The following FAM234A variants were observed in gnomAD, a reference collection of about 807,000 sequenced individuals.
FAM234A encodes the protein protein FAM234A.
Under a neutral mutation model 49.1 loss-of-function variants are expected in FAM234A, and 42 were observed. The observed-to-expected ratio is 0.86, with a 90% CI of 0.67 to 1.11. The LOEUF (loss-of-function observed/expected upper bound fraction) is 1.11, where lower values mean the gene tolerates loss of function less well. Among genes scored for constraint, FAM234A ranks in the 50% least tolerant of loss-of-function variants. The pLI is 0.00. For missense variants in FAM234A, 815 were observed against 745.2 expected (o/e 1.09, Z -1.09); for synonymous variants, 369 against 316.2 (o/e 1.17, Z -1.77).
chr16:235,388 G>A (rs894922848), intron 1 of FAM234A, among the ~76,000 whole-genome samples: 2 of 152,224 alleles, frequency 1.3e-5, no homozygotes, highest in African/African-American at 2.4e-5. Context: ...GCGCAGCCGA[G>A]GTTGCTCGTC....
chr16:244,401 T>C lies in FAM234A; in HGVS notation c.-139-5148T>C, dbSNP rs181845539. On this transcript the variant is annotated intron_variant, in intron 1 of 12. Transcript: ENST00000399932. ...CACAAAACTCCACTATTGATATTCT[T>C]CCAAAAATAAACAAAACACTAAAAG... 3.3e-4 allele frequency among the ~76,000 whole-genome samples: 50 copies of C among 152,256 alleles called. No individual in the cohort carries two copies. The East Asian group carries it at 9.2e-3, about 28-fold the overall frequency.
intron 2 of FAM234A, 184 bp from the exon 3 acceptor site, chr16:254,194 CCTT>C (rs1398367708): frequency 1.7e-6 from 1 of 600,736 alleles, no homozygotes; most frequent in South Asian, 2.0e-5. Context: ...TAATTAGAGA[CCTT>C]CTTAAGTATA....
At position 249,565 on chromosome 16, in the gene FAM234A, G is replaced by A. The variant is rs990855153; in HGVS notation, c.-123G>A. Reference sequence around the variant, plus strand: ...GATCCCTAGGTCCACCTGGGCTTGCGAAGGCACAGATTCCCCGTCCACAGC... The same window carrying A: ...GATCCCTAGGTCCACCTGGGCTTGCAAAGGCACAGATTCCCCGTCCACAGC... On this transcript the variant is annotated 5_prime_UTR_variant, in exon 2 of 13. Transcript: ENST00000399932. The A allele has an allele frequency of 2.0e-5, 3 of 152,056 alleles. No individual in the cohort carries two copies. Among genetic ancestry groups the A allele is most frequent in the African/African-American group, 4.8e-5 (2 of 41,274 alleles). 9.4% of individuals were successfully genotyped at this position (152,056 alleles called of 1,614,324 possible).
At chr16:259,941 A>C in intron 4 of FAM234A, 28 bp from the exon 5 acceptor site, 3 of 1,603,504 alleles carry the variant, frequency 1.9e-6, no homozygotes, top group Non-Finnish European at 2.6e-6. Context: ...ATGGTGCAAC[A>C]GTGAGGTGCC....
At chr16:241,017 C>T (rs1441773124) in intron 1 of FAM234A, among the ~76,000 whole-genome samples, 5 of 152,048 alleles carry the variant, frequency 3.3e-5, no homozygotes, top group Non-Finnish European at 7.4e-5. Context: ...CCGCTCACCT[C>T]CCAGGCTCAA....
chr16:260,638 C>T (rs753266193), intron 5 of FAM234A: 7 of 472,530 alleles, frequency 1.5e-5, no homozygotes, highest in Admixed American at 7.0e-5. Context: ...GGAAAGAATG[C>T]GTGGTGCACG....
intron 1 of FAM234A, among the ~76,000 whole-genome samples, chr16:236,885 C>G (rs1401558951): frequency 1.9e-5 from 1 of 53,966 alleles, no homozygotes; most frequent in African/African-American, 4.6e-5. Context: ...CCAGCCTGGG[C>G]CACAGCGAGA....
At position 264,649 on chromosome 16, in the gene FAM234A, C is replaced by G. The variant is rs1596860976; in HGVS notation, c.1380C>G (p.Phe460Leu). Residue 460 changes from phenylalanine to leucine, a missense_variant, in exon 12 of 13, where the codon TTC becomes TTG. Coordinates refer to ENST00000399932, the MANE Select transcript of FAM234A (RefSeq NM_032039.4). ...TGEARHSLYM[F>L]HPTLPRVLLE... The stretch of plus-strand genomic sequence containing the variant: ...AGGCCCGGCACAGCCTGTACATGTT[C>G]CACCCCACCCTGCCGCGCGTGCTGC... The G allele has an allele frequency of 5.0e-6, 8 of 1,611,774 alleles. No individual in the cohort carries two copies. The East Asian group carries it at 1.8e-4, about 36-fold the overall frequency.
intron 1 of FAM234A, among the ~76,000 whole-genome samples, chr16:238,208 G>A (rs576076625): frequency 3.9e-5 from 6 of 152,160 alleles, no homozygotes; most frequent in African/African-American, 9.6e-5. Context: ...TGGTAGAGAC[G>A]AGGTTTCGCC....
At chr16:244,854 A>ATTTTTTT (rs1203898846) in intron 1 of FAM234A, among the ~76,000 whole-genome samples, 3 of 147,376 alleles carry the variant, frequency 2.0e-5, no homozygotes, top group Non-Finnish European at 4.6e-5. Context: ...CGCCCGGCTA[A>ATTTTTTT]TTTTTTTTTG....
intron 3 of FAM234A, among the ~76,000 whole-genome samples, chr16:257,105 C>G (rs1370364822): frequency 6.6e-6 from 1 of 151,126 alleles, no homozygotes; most frequent in Admixed American, 6.6e-5. Flanking sequence ...TCTCAAACTC[C>G]TGACCTCAAG....
At chr16:263,883 T>A (rs1460118784) in intron 10 of FAM234A, 108 bp downstream of exon 10, 1 of 1,393,696 alleles carries the variant, frequency 7.2e-7, no homozygotes, top group Non-Finnish European at 1.0e-6. Context: ...TCAGAGCTGC[T>A]GAGAAGGTTC....
intron 1 of FAM234A, among the ~76,000 whole-genome samples, chr16:238,624 G>C (rs1428021546): frequency 2.6e-5 from 4 of 151,666 alleles, no homozygotes; most frequent in Non-Finnish European, 4.4e-5. Flanking sequence ...AAATTAGCCA[G>C]GCGTGGTGAC....
rs759121877 is a variant in FAM234A, at chr16:261,374, T to G, written c.578-10T>G. 6.2e-7 allele frequency: 1 copy of G among 1,604,806 alleles called. No homozygotes were observed. Among genetic ancestry groups the G allele is most frequent in the Non-Finnish European group, 8.5e-7 (1 of 1,172,480 alleles). On this transcript the variant is annotated splice_polypyrimidine_tract_variant and intron_variant, in intron 5 of 12. Coordinates refer to ENST00000399932, the MANE Select transcript of FAM234A (RefSeq NM_032039.4). ...AGGGCCACGTTCCGTGACCGTGTGCTTGATTCTAGGGGAAACCCTGTGGAA... is the reference window on the plus strand; with the variant it reads ...AGGGCCACGTTCCGTGACCGTGTGCGTGATTCTAGGGGAAACCCTGTGGAA...
In FAM234A at chr16:265,067, C is replaced by T. The variant is rs746981170; in HGVS notation, c.*45C>T. ...TGTGGAGAGACTCCGCCTGCTGACACTAAACGTCCTGGGAAGTGGGCCCTT... is the reference window on the plus strand; with the variant it reads ...TGTGGAGAGACTCCGCCTGCTGACATTAAACGTCCTGGGAAGTGGGCCCTT... On this transcript the variant is annotated 3_prime_UTR_variant, in exon 13 of 13. Coordinates refer to ENST00000399932, the MANE Select transcript of FAM234A (RefSeq NM_032039.4). 6 of 1,549,282 alleles carry T rather than the reference C, an allele frequency of 3.9e-6. No individual in the cohort carries two copies. The African/African-American group carries it at 6.8e-5, about 17-fold the overall frequency.
At chr16:268,051 T>C (rs4984857), downstream of FAM234A, among the ~76,000 whole-genome samples, 135,954 of 144,500 alleles carry the variant, frequency 0.94, 63,865 homozygotes, top group South Asian at 0.97. Flanking sequence ...TGCACACGGG[T>C]GCTACACACA....
At chr16:263,863 G>A (rs1225444890) in intron 10 of FAM234A, 88 bp downstream of exon 10, 6 of 1,409,424 alleles carry the variant, frequency 4.3e-6, no homozygotes, top group Non-Finnish European at 5.0e-6. Flanking sequence ...GGCCCAGGAG[G>A]CTGCTGCCGT....
chr16:253,217 C>A (rs149515166), intron 2 of FAM234A, among the ~76,000 whole-genome samples: 16 of 152,262 alleles, frequency 1.1e-4, no homozygotes, highest in African/African-American at 3.9e-4. Context: ...CATCCACCCC[C>A]GGTCCGGCCA....
rs903190204 is a variant in FAM234A, at chr16:238,610, C to T, written c.-140+3753C>T. ...TGAAATCCCGTCTCTACTAAAAATA[C>T]AAAAAATTAGCCAGGCGTGGTGACG... On this transcript the variant is annotated intron_variant, in intron 1 of 12. Transcript: ENST00000399932. Among the ~76,000 whole-genome samples, 72 of 148,114 alleles carry T rather than the reference C, an allele frequency of 4.9e-4. 2 individuals are homozygous for T. Among genetic ancestry groups the T allele is most frequent in the African/African-American group, 1.8e-3 (71 of 40,120 alleles).
Sources: gnomAD v4.1 joint callset for allele counts (sites outside exome capture counted in the v4.1 genomes callset) on GRCh38, gnomAD v4.1.1 for gene constraint, MANE v1.5 for transcripts, NCBI Gene and HGNC (gene_info 2026-07-23, HGNC 2026-07-21) for gene names.